Variants in FMN2 observed in about 807,000 individuals in gnomAD.
The protein encoded by FMN2 is formin-2.
In FMN2, 51 loss-of-function variants were observed where a neutral mutation model predicts 142.3. That is an observed-to-expected ratio of 0.36 (90% CI 0.29 to 0.45). FMN2 has a LOEUF of 0.45. Ranked by LOEUF, FMN2 falls within the 20% of genes least tolerant of loss-of-function variation. The pLI, the probability that FMN2 is intolerant of heterozygous loss-of-function variation, is 1.00. For synonymous variants in FMN2, 882 were observed against 869.8 expected, an observed-to-expected ratio of 1.01 and a Z score of -0.25; for missense variants, 1,936 against 2,122.8, an observed-to-expected ratio of 0.91 and a Z score of 1.73.
chr1:240,161,169 A>G (rs953214278), intron 2 of FMN2, among the ~76,000 whole-genome samples: 5 of 152,162 alleles, frequency 3.3e-5, no homozygotes, highest in African/African-American at 1.2e-4. Context: ...ATTCTAATCA[A>G]TGTCTCAAGG....
At chr1:240,364,524 C>T (rs1298550563) in intron 14 of FMN2, among the ~76,000 whole-genome samples, 2 of 152,132 alleles carry the variant, frequency 1.3e-5, no homozygotes, top group East Asian at 1.9e-4. Flanking sequence ...ATTTGAGAAG[C>T]ATGAATTTGA....
At chr1:240,248,004 T>C (rs543216870) in intron 6 of FMN2, among the ~76,000 whole-genome samples, 20 of 152,264 alleles carry the variant, frequency 1.3e-4, no homozygotes, top group African/African-American at 4.3e-4. Flanking sequence ...TAATACATTG[T>C]TGTTAACTAT....
chr1:240,125,925 C>A (rs938502776), intron 2 of FMN2, among the ~76,000 whole-genome samples: 15 of 152,122 alleles, frequency 9.9e-5, no homozygotes, highest in Admixed American at 5.9e-4. Context: ...GAATTTCTTT[C>A]CTTCAACTTG....
intron 16 of FMN2, among the ~76,000 whole-genome samples, chr1:240,460,189 T>G (rs1387666610): frequency 6.6e-6 from 1 of 152,248 alleles, no homozygotes; most frequent in Non-Finnish European, 1.5e-5. Context: ...TTTATCCAAT[T>G]ATTCAATAGA....
intron 2 of FMN2, among the ~76,000 whole-genome samples, chr1:240,175,301 T>G (rs1325099002): frequency 6.6e-6 from 1 of 152,224 alleles, no homozygotes; most frequent in Non-Finnish European, 1.5e-5. Context: ...GGTGTACAGA[T>G]GTTTCTTTGA....
intron 2 of FMN2, among the ~76,000 whole-genome samples, chr1:240,129,932 A>G (rs1441382563): frequency 6.6e-6 from 1 of 152,142 alleles, no homozygotes; most frequent in Non-Finnish European, 1.5e-5. Context: ...CTTTCATAAT[A>G]CTTCTTTGAA....
intron 15 of FMN2, among the ~76,000 whole-genome samples, chr1:240,430,144 C>T (rs1675113894): frequency 1.3e-5 from 2 of 152,076 alleles, no homozygotes. Flanking sequence ...CCTCGGCCTC[C>T]CAAAGTGCTG....
At chr1:240,322,557 A>G (rs1401117742) in intron 8 of FMN2, among the ~76,000 whole-genome samples, 1 of 152,194 alleles carries the variant, frequency 6.6e-6, no homozygotes, top group Non-Finnish European at 1.5e-5. Flanking sequence ...TGTGGAAGAT[A>G]TAAACCCAAA....
chr1:240,197,303 C>A lies in FMN2; in HGVS notation c.1986+9041C>A, dbSNP rs746797249. Among the ~76,000 whole-genome samples, 3 of 152,198 alleles carry A rather than the reference C, an allele frequency of 2.0e-5. No individual in the cohort carries two copies. The East Asian group carries it at 5.8e-4, about 29-fold the overall frequency. On this transcript the variant is annotated intron_variant, in intron 4 of 17. Transcript: ENST00000319653. ...GGTGCTCCCCTTTTCCCAAGCCTCTCCCCATCCATCTCTTCATCTGCATCC... is the reference window on the plus strand; with the variant it reads ...GGTGCTCCCCTTTTCCCAAGCCTCTACCCATCCATCTCTTCATCTGCATCC...
chr1:240,107,812 G>A (rs568924061), intron 1 of FMN2, among the ~76,000 whole-genome samples: 23 of 152,188 alleles, frequency 1.5e-4, no homozygotes, highest in African/African-American at 5.3e-4. Flanking sequence ...TAATAGACAT[G>A]TAGTACCGAG....
chr1:240,425,772 T>A (rs1674921150), intron 15 of FMN2, among the ~76,000 whole-genome samples: 1 of 152,208 alleles, frequency 6.6e-6, no homozygotes, highest in African/African-American at 2.4e-5. Context: ...ACGTGGTGAA[T>A]GGCTTTGTTC....
intron 16 of FMN2, among the ~76,000 whole-genome samples, chr1:240,459,756 G>C (rs1485117192): frequency 3.3e-5 from 3 of 91,870 alleles, no homozygotes; most frequent in Non-Finnish European, 6.6e-5. Flanking sequence ...AAAAAAAAAA[G>C]ATTGTAGAGG....
At chr1:240,396,324 G>A (rs909151241) in intron 15 of FMN2, among the ~76,000 whole-genome samples, 1 of 151,622 alleles carries the variant, frequency 6.6e-6, no homozygotes, top group Admixed American at 6.6e-5. Context: ...GTGTGTGTGT[G>A]TGTGTGTGTG....
At chr1:240,133,121 G>A (rs1662805593) in intron 2 of FMN2, among the ~76,000 whole-genome samples, 1 of 152,174 alleles carries the variant, frequency 6.6e-6, no homozygotes, top group African/African-American at 2.4e-5. Context: ...CAAAATGTCA[G>A]TAGTGCCAAG....
At chr1:240,391,286 T>G (rs183394080) in intron 14 of FMN2, among the ~76,000 whole-genome samples, 3 of 152,294 alleles carry the variant, frequency 2.0e-5, no homozygotes, top group African/African-American at 7.2e-5. Flanking sequence ...GGGTTATGAC[T>G]TTGCAGATAC....
chr1:240,422,553 G>A (rs540752136), intron 15 of FMN2, among the ~76,000 whole-genome samples: 2 of 152,244 alleles, frequency 1.3e-5, no homozygotes, highest in South Asian at 4.1e-4. Context: ...ATTATTCAGT[G>A]CTGGTATATG....
chr1:240,421,794 A>G (rs1164025293), intron 15 of FMN2, among the ~76,000 whole-genome samples: 1 of 146,834 alleles, frequency 6.8e-6, no homozygotes, highest in Non-Finnish European at 1.5e-5. Context: ...TCCTCTTCCA[A>G]TTTGATGACC....
At chr1:240,119,001 G>A (rs966772398) in intron 1 of FMN2, among the ~76,000 whole-genome samples, 3 of 152,102 alleles carry the variant, frequency 2.0e-5, no homozygotes, top group East Asian at 1.9e-4. Flanking sequence ...TGTTACCCAC[G>A]TTTTTTGCCT....
intron 1 of FMN2, among the ~76,000 whole-genome samples, chr1:240,103,414 T>A (rs1186531077): frequency 6.6e-6 from 1 of 152,178 alleles, no homozygotes; most frequent in Non-Finnish European, 1.5e-5. Context: ...CTCAGACATA[T>A]CTCACTTAGA....
Sources: allele counts gnomAD v4.1 joint callset (sites outside exome capture counted in the v4.1 genomes callset), GRCh38; gene constraint gnomAD v4.1.1; transcripts MANE v1.5; gene names NCBI Gene and HGNC (gene_info 2026-07-23, HGNC 2026-07-21).